Variants in ZNF665 observed in about 807,000 individuals in gnomAD.
ZNF665 encodes zinc finger protein 665.
Under a neutral mutation model 7.9 loss-of-function variants are expected in ZNF665, and 6 were observed. The observed-to-expected ratio is 0.76, with a 90% CI of 0.42 to 1.50. The LOEUF (loss-of-function observed/expected upper bound fraction) is 1.50, where lower values mean the gene tolerates loss of function less well. Among genes scored for constraint, ZNF665 ranks in the 40% most tolerant of loss-of-function variants. The pLI is 0.01. For synonymous variants in ZNF665, 242 were observed against 274.5 expected (o/e 0.88, Z 1.17); for missense variants, 819 against 806.7 (o/e 1.02, Z -0.18).
intron 3 of ZNF665, among the ~76,000 whole-genome samples, chr19:53,166,563 T>C (rs2090617472): frequency 6.6e-6 from 1 of 152,288 alleles, no homozygotes; most frequent in Non-Finnish European, 1.5e-5. Flanking sequence ...ATCCTAGTTT[T>C]AAACATTCTG....
intron 2 of ZNF665, among the ~76,000 whole-genome samples, chr19:53,177,353 T>A (rs1270704365): frequency 6.6e-6 from 1 of 151,970 alleles, no homozygotes; most frequent in East Asian, 1.9e-4. Flanking sequence ...ATCCTAGCAC[T>A]TTGGGAGGCC....
In ZNF665 at chr19:53,183,073, A is replaced by G. The variant is rs967083156; in HGVS notation, c.-45-130T>C. On this transcript the variant is annotated intron_variant, in intron 1 of 3. Transcript: ENST00000396424. The stretch of plus-strand genomic sequence containing the variant: ...CACAGGGAAGACCTTATACACAGGG[A>G]AGATGGTCCTCTGCTGCCCACTGCA... 2.4e-5 allele frequency: 24 copies of G among 1,001,240 alleles called. No individual in the cohort carries two copies. In the Admixed American group the frequency reaches 4.6e-4, roughly 19 times the overall value. 62.0% of individuals were successfully genotyped at this position (1,001,240 alleles called of 1,614,324 possible). A position where few individuals can be genotyped will look rare whatever the true frequency, so the allele number is the denominator to read the frequency against.
chr19:53,192,235 T>C (rs1324325945), intron 1 of ZNF665, among the ~76,000 whole-genome samples: 2 of 152,068 alleles, frequency 1.3e-5, no homozygotes, highest in Admixed American at 6.6e-5. Context: ...CCCTGTTAAA[T>C]CCCCTCTTCC....
chr19:53,192,349 C>A (rs1262098823), intron 1 of ZNF665, among the ~76,000 whole-genome samples: 2 of 152,118 alleles, frequency 1.3e-5, no homozygotes, highest in Non-Finnish European at 2.9e-5. Flanking sequence ...CCCCTTCTTG[C>A]TGTCCCAGCA....
intron 3 of ZNF665, among the ~76,000 whole-genome samples, chr19:53,174,972 AAAGAAAG>A (rs2090685660): frequency 2.1e-5 from 3 of 141,630 alleles, no homozygotes; most frequent in Non-Finnish European, 4.5e-5. Context: ...GAAAGAAAAG[AAAGAAAG>A]AAAAAAAAAA....
intron 3 of ZNF665, among the ~76,000 whole-genome samples, chr19:53,174,253 A>G (rs1261992743): frequency 6.6e-6 from 1 of 152,166 alleles, no homozygotes; most frequent in Non-Finnish European, 1.5e-5. Context: ...GAAAGGGACT[A>G]AGAGTTCATA....
At chr19:53,183,179 T>G (rs115823236) in intron 1 of ZNF665, among the ~76,000 whole-genome samples, 1 of 151,998 alleles carries the variant, frequency 6.6e-6, no homozygotes, top group African/African-American at 2.4e-5. Context: ...CCCACTCCCC[T>G]CCTGGAGAAG....
At chr19:53,189,051 CTGTGTGTG>C (rs60689265) in intron 1 of ZNF665, among the ~76,000 whole-genome samples, 3 of 137,752 alleles carry the variant, frequency 2.2e-5, no homozygotes, top group Non-Finnish European at 3.3e-5. Context: ...GCTTTATTTT[CTGTGTGTG>C]TGTGTGTGTG....
chr19:53,167,542 G>C (rs1340470058), intron 3 of ZNF665, among the ~76,000 whole-genome samples: 1 of 149,792 alleles, frequency 6.7e-6, no homozygotes, highest in Non-Finnish European at 1.5e-5. Flanking sequence ...CGCCTCCCGG[G>C]TTCCCGCCAT....
At chr19:53,182,022 T>G (rs797015233) in intron 2 of ZNF665, 1 of 152,392 alleles carries the variant, frequency 6.6e-6, no homozygotes, top group South Asian at 2.1e-4. Context: ...TCATCCAATA[T>G]TCTGTCTTTT....
Position 53,182,936 on chromosome 19 carries a change from G to T in ZNF665, c.-38C>A, listed in dbSNP as rs1369416283. ...TGCCTTCCTCTTCCTCTTCTTCCAG[G>T]GTTCTACCTTGGGTAACATGAAAGA... On this transcript the variant is annotated 5_prime_UTR_variant, in exon 2 of 4. Coordinates refer to ENST00000396424, the MANE Select transcript of ZNF665 (RefSeq NM_024733.5). 6.2e-7 allele frequency: 1 copy of T among 1,606,616 alleles called. No individual in the cohort carries two copies. The highest frequency in any genetic ancestry group is 8.5e-7 in the Non-Finnish European group (1 of 1,179,582).
intron 3 of ZNF665, among the ~76,000 whole-genome samples, chr19:53,174,251 C>T (rs970590937): frequency 6.6e-6 from 1 of 152,010 alleles, no homozygotes; most frequent in East Asian, 1.9e-4. Context: ...TTGAAAGGGA[C>T]TAAGAGTTCA....
Position 53,164,528 on chromosome 19 carries a change from G to GT in ZNF665, c.1961dup (p.Tyr654Ter). Residue 654 changes from tyrosine (Y) to a stop codon, truncating the protein, a stop_gained and frameshift_variant, in exon 4 of 4, where the codon TAC becomes TAAC. Coordinates refer to ENST00000396424, the MANE Select transcript of ZNF665 (RefSeq NM_024733.5). LOFTEE classifies it low-confidence loss of function (END_TRUNC). ...HMAVHTGDKP[Y>*]KCNQCGKVFT... Reference sequence around the variant, plus strand: ...AGACCTTGCCACATTGGTTACATTTGTAAGGTTTGTCTCCAGTATGGACTG... The same window carrying GT: ...AGACCTTGCCACATTGGTTACATTTGTTAAGGTTTGTCTCCAGTATGGACTG... 1 of 1,613,116 alleles carries GT rather than the reference G, an allele frequency of 6.2e-7. No individual in the cohort carries two copies. The highest frequency in any genetic ancestry group is 8.5e-7 in the Non-Finnish European group (1 of 1,179,660).
At chr19:53,170,190 C>A (rs1281041214) in intron 3 of ZNF665, among the ~76,000 whole-genome samples, 1 of 151,710 alleles carries the variant, frequency 6.6e-6, no homozygotes, top group Non-Finnish European at 1.5e-5. Flanking sequence ...TCCTCTCCAG[C>A]ACCTGTTGTT....
chr19:53,165,113 T>A lies in ZNF665; in HGVS notation c.1377A>T (p.Lys459Asn). 6.2e-7 allele frequency: 1 copy of A among 1,614,030 alleles called. No individual in the cohort carries two copies. Among genetic ancestry groups the A allele is most frequent in the Non-Finnish European group, 8.5e-7 (1 of 1,179,992 alleles). The change falls in exon 4 of 4, where the codon AAA becomes AAT. Residue 459 changes from lysine (K) to asparagine (N), a missense_variant. By Grantham distance (94) the Lys-to-Asn change is moderately conservative (BLOSUM62 0). Coordinates refer to ENST00000396424, the MANE Select transcript of ZNF665 (RefSeq NM_024733.5). ...QAIHTGEKPY[K>N]CNDCGKVFTQ... Reference sequence around the variant, plus strand: ...TGAAGACCTTACCGCAGTCATTACATTTGTAAGGCTTTTCTCCAGTATGAA... The same window carrying A: ...TGAAGACCTTACCGCAGTCATTACAATTGTAAGGCTTTTCTCCAGTATGAA...
intron 3 of ZNF665, among the ~76,000 whole-genome samples, chr19:53,166,739 A>T (rs1484080280): frequency 6.6e-6 from 1 of 152,248 alleles, no homozygotes; most frequent in African/African-American, 2.4e-5. Context: ...GTTATGCATA[A>T]GTAAATGCTG....
chr19:53,163,293 A>G lies in ZNF665; in HGVS notation c.*1160T>C, dbSNP rs958626083. 1 of 152,276 alleles carries G rather than the reference A, an allele frequency of 6.6e-6. No homozygotes were observed. Among genetic ancestry groups the G allele is most frequent in the African/African-American group, 2.4e-5 (1 of 41,444 alleles). 9.4% of individuals were successfully genotyped at this position (152,276 alleles called of 1,614,324 possible). A position where few individuals can be genotyped will look rare whatever the true frequency, so the allele number is the denominator to read the frequency against. The stretch of plus-strand genomic sequence containing the variant: ...GGTGATCCACCCACCTTGGCCTCCC[A>G]AAGTGCTGGCATTACAGGCGTGAGC... On this transcript the variant is annotated 3_prime_UTR_variant, in exon 4 of 4. Coordinates refer to ENST00000396424, the MANE Select transcript of ZNF665 (RefSeq NM_024733.5).
At position 53,182,868 on chromosome 19, in the gene ZNF665, G is replaced by A. The variant is rs201812746; in HGVS notation, c.15+16C>T. The A allele has an allele frequency of 1.3e-4, 204 of 1,613,100 alleles. No homozygotes were observed. The East Asian group carries it at 2.8e-3, about 22-fold the overall frequency. Reference sequence around the variant, plus strand: ...AAGGAAGGAGACAGAACAATCCACCGAGAATATCATCTCACCTGAGGAAGA... The same window carrying A: ...AAGGAAGGAGACAGAACAATCCACCAAGAATATCATCTCACCTGAGGAAGA... On this transcript the variant is annotated intron_variant, in intron 2 of 3. Coordinates refer to ENST00000396424, the MANE Select transcript of ZNF665 (RefSeq NM_024733.5).
chr19:53,168,024 C>G (rs2090630111), intron 3 of ZNF665, among the ~76,000 whole-genome samples: 1 of 130,598 alleles, frequency 7.7e-6, no homozygotes, highest in Admixed American at 8.6e-5. Context: ...CCATTGCACT[C>G]CAGCCTGGGC....
Sources: allele counts gnomAD v4.1 joint callset (sites outside exome capture counted in the v4.1 genomes callset), GRCh38; gene constraint gnomAD v4.1.1; transcripts MANE v1.5; gene names NCBI Gene and HGNC (gene_info 2026-07-23, HGNC 2026-07-21).